Variants in INTS9 observed in about 807,000 individuals in gnomAD.
The protein encoded by INTS9 is integrator complex subunit 9, also known as protein related to CPSF subunits of 74 kDa.
A neutral mutation model predicts 79.7 loss-of-function variants in INTS9; 55 were observed. The observed-to-expected ratio is 0.69, with a 90% CI of 0.56 to 0.86. The LOEUF is 0.86. Ranked by LOEUF, INTS9 falls within the 40% of genes least tolerant of loss-of-function variation. The probability of loss-of-function intolerance (pLI) is 0.00; values close to 1 mark genes in which losing one functional copy is unlikely to be tolerated. For synonymous variants in INTS9, 319 were observed against 325.2 expected (o/e 0.98, Z 0.20); for missense variants, 721 against 831.5 (o/e 0.87, Z 1.64).
chr8:28,802,649 TG>T (rs1353198652), intron 8 of INTS9, among the ~76,000 whole-genome samples: 1 of 152,194 alleles, frequency 6.6e-6, no homozygotes, highest in Non-Finnish European at 1.5e-5. Context: ...AGGTTTCTTT[TG>T]TGGTCAGAAA....
chr8:28,845,355 T>G (rs1170524164), intron 4 of INTS9, among the ~76,000 whole-genome samples: 1 of 152,334 alleles, frequency 6.6e-6, no homozygotes, highest in East Asian at 1.9e-4. Context: ...TTTCCAATCA[T>G]ACAAGACCTG....
At chr8:28,774,355 A>G (rs1245324019) in intron 14 of INTS9, among the ~76,000 whole-genome samples, 1 of 152,226 alleles carries the variant, frequency 6.6e-6, no homozygotes, top group Non-Finnish European at 1.5e-5. Flanking sequence ...AATTTCTCAT[A>G]TAGCAAACAT....
intron 3 of INTS9, chr8:28,849,951 T>C (rs934482163): frequency 3.0e-6 from 1 of 337,106 alleles, no homozygotes; most frequent in Non-Finnish European, 5.3e-6. Flanking sequence ...CTTTCTGTGG[T>C]GATAAAAGGT....
At chr8:28,816,310 C>T (rs184048573) in intron 6 of INTS9, among the ~76,000 whole-genome samples, 3 of 123,514 alleles carry the variant, frequency 2.4e-5, no homozygotes, top group Non-Finnish European at 3.3e-5. Flanking sequence ...CCCCTCCCCC[C>T]ACCCACAACA....
chr8:28,777,440 C>T (rs1802952847), intron 13 of INTS9, among the ~76,000 whole-genome samples: 1 of 152,128 alleles, frequency 6.6e-6, no homozygotes, highest in South Asian at 2.1e-4. Flanking sequence ...AACCCAAACC[C>T]GACAGCACTG....
intron 1 of INTS9, among the ~76,000 whole-genome samples, chr8:28,873,095 A>C (rs1482146832): frequency 6.6e-6 from 1 of 152,138 alleles, no homozygotes; most frequent in Non-Finnish European, 1.5e-5. Context: ...TTTTCTAAAA[A>C]TGTGTTAAAA....
At chr8:28,792,104 A>G (rs1285887534) in intron 10 of INTS9, among the ~76,000 whole-genome samples, 2 of 152,222 alleles carry the variant, frequency 1.3e-5, no homozygotes, top group African/African-American at 4.8e-5. Flanking sequence ...CATGTTGGCC[A>G]AAGAATGAAT....
At chr8:28,803,566 A>G (rs1322389475) in intron 8 of INTS9, among the ~76,000 whole-genome samples, 1 of 152,206 alleles carries the variant, frequency 6.6e-6, no homozygotes, top group African/African-American at 2.4e-5. Flanking sequence ...AGCCATTTAA[A>G]TGTCCAACAG....
chr8:28,796,714 G>T (rs1804236648), intron 8 of INTS9, 59 bp from the exon 9 acceptor site: 1 of 1,030,646 alleles, frequency 9.7e-7, no homozygotes, highest in Non-Finnish European at 1.5e-6. Context: ...CCTACAAATA[G>T]TGAAAGAATA....
Position 28,859,485 on chromosome 8 carries a change from G to C in INTS9, c.88C>G (p.Leu30Val), listed in dbSNP as rs754053143. Residue 30 changes from leucine to valine, a missense_variant, in exon 2 of 17, where the codon CTG becomes GTG. Leu to Val is a conservative substitution (Grantham distance 32, BLOSUM62 1). This residue lies in a region of INTS9 where 291 missense variants were observed against 307.0 expected (regional missense o/e 0.95). Transcript: ENST00000521022. ...KSTTIMLDCG[L>V]DMTSTLNFLP... ...AAATTGAGGGTAGAAGTCATGTCCA[G>C]TCCGCAGTCCAACATAATGGTGGTT... 1.9e-6 allele frequency: 3 copies of C among 1,614,158 alleles called. No homozygotes were observed. Among genetic ancestry groups the C allele is most frequent in the Non-Finnish European group, 2.5e-6 (3 of 1,179,998 alleles).
chr8:28,862,197 A>C, intron 1 of INTS9: 3 of 985,358 alleles, frequency 3.0e-6, no homozygotes, highest in Non-Finnish European at 3.6e-6. Flanking sequence ...CATATCATCT[A>C]CTGAGGGTTA....
intron 14 of INTS9, among the ~76,000 whole-genome samples, chr8:28,772,204 A>G (rs2130849366): frequency 6.6e-6 from 1 of 152,286 alleles, no homozygotes; most frequent in East Asian, 1.9e-4. Flanking sequence ...AGTTGGATTG[A>G]GACAGTTACC....
At chr8:28,823,259 CTT>C (rs1003127665) in intron 6 of INTS9, among the ~76,000 whole-genome samples, 23 of 152,324 alleles carry the variant, frequency 1.5e-4, no homozygotes, top group African/African-American at 5.1e-4. Context: ...CTGCCCTCCT[CTT>C]TTTCTTCCTG....
chr8:28,865,361 A>C (rs916868814), intron 1 of INTS9, among the ~76,000 whole-genome samples: 4 of 152,070 alleles, frequency 2.6e-5, no homozygotes, highest in Non-Finnish European at 5.9e-5. Flanking sequence ...TAGCCCAGCT[A>C]CTTGGGAGGT....
chr8:28,803,788 C>T (rs1804656728), intron 8 of INTS9, among the ~76,000 whole-genome samples: 1 of 151,916 alleles, frequency 6.6e-6, no homozygotes, highest in Admixed American at 6.6e-5. Flanking sequence ...AAAATTATTA[C>T]AATAAATACA....
At chr8:28,884,330 C>T (rs775211991) in intron 1 of INTS9, among the ~76,000 whole-genome samples, 1 of 151,596 alleles carries the variant, frequency 6.6e-6, no homozygotes, top group African/African-American at 2.4e-5. Flanking sequence ...ACTACGGGCA[C>T]AAGACACCAG....
Position 28,775,799 on chromosome 8 carries a change from G to A in INTS9, c.1523C>T (p.Pro508Leu). 1.9e-6 allele frequency: 3 copies of A among 1,614,006 alleles called. No homozygotes were observed. The highest frequency in any genetic ancestry group is 2.5e-6 in the Non-Finnish European group (3 of 1,179,978). The change falls in exon 14 of 17, where the codon CCC becomes CTC. Residue 508 changes from proline (P) to leucine (L), a missense_variant. This residue lies in a region of INTS9 where 281 missense variants were observed against 300.8 expected (regional missense o/e 0.93). Transcript: ENST00000521022. The stretch of plus-strand genomic sequence containing the variant: ...GATCTTCTCGTACCGACGTTTGAAG[G>A]GCAGGGCGAGAACCTCAGCCCGCCG... ...SYRRAEVLAL[P>L]FKRRYEKIEI...
intron 4 of INTS9, among the ~76,000 whole-genome samples, chr8:28,844,469 G>A (rs1473494507): frequency 6.6e-6 from 1 of 152,078 alleles, no homozygotes; most frequent in Admixed American, 6.5e-5. Flanking sequence ...GAGCCAGGAA[G>A]GCGGAGGTTG....
At chr8:28,837,878 A>G in intron 4 of INTS9, 102 bp from the exon 5 acceptor site, 3 of 1,138,538 alleles carry the variant, frequency 2.6e-6, no homozygotes, top group Admixed American at 2.1e-5. Context: ...TAGTTTTTGT[A>G]TTGCAGAATA....
Sources: allele counts gnomAD v4.1 joint callset (sites outside exome capture counted in the v4.1 genomes callset), GRCh38; gene constraint gnomAD v4.1.1; regional missense constraint gnomAD v4.1.1; transcripts MANE v1.5; gene names NCBI Gene and HGNC (gene_info 2026-07-23, HGNC 2026-07-21).